USP34: variants seen among roughly 807,000 people sequenced by gnomAD.
The protein encoded by USP34 is ubiquitin carboxyl-terminal hydrolase 34.
USP34 carries 70 observed loss-of-function variants against 460.3 expected under a neutral mutation model. The observed-to-expected ratio is 0.15, with a 90% confidence interval of 0.13 to 0.19. USP34 has a LOEUF of 0.19. Among genes scored for constraint, USP34 ranks in the 10% least tolerant of loss-of-function variants. The pLI, the probability that USP34 is intolerant of heterozygous loss-of-function variation, is 1.00. For missense variants in USP34, 3,985 were observed against 4,236.2 expected (o/e 0.94, Z 1.65); for synonymous variants, 1,647 against 1,405.3 (o/e 1.17, Z -3.85).
At chr2:61,339,322 G>A (rs778456516) in intron 18 of USP34, 29 bp downstream of exon 18, 3 of 1,594,304 alleles carry the variant, frequency 1.9e-6, no homozygotes, top group South Asian at 2.3e-5. Context: ...TTTGACTACT[G>A]CATTAAAAAT....
chr2:61,365,715 G>A (rs187846454), intron 10 of USP34, among the ~76,000 whole-genome samples: 3 of 152,058 alleles, frequency 2.0e-5, no homozygotes, highest in East Asian at 1.9e-4. Context: ...TGGGAATTAC[G>A]GTTATAGTAT....
intron 10 of USP34, among the ~76,000 whole-genome samples, chr2:61,358,393 T>C (rs1451537270): frequency 1.3e-5 from 2 of 152,012 alleles, no homozygotes; most frequent in Non-Finnish European, 2.9e-5. Context: ...TTATGAGATA[T>C]TATAATTGTA....
At chr2:61,344,135 C>T (rs1691689135) in intron 15 of USP34, 106 bp from the exon 16 acceptor site, 2 of 980,602 alleles carry the variant, frequency 2.0e-6, no homozygotes, top group African/African-American at 3.3e-5. Context: ...TAGAAACAAA[C>T]CGACATCTGC....
Position 61,331,364 on chromosome 2 carries a change from C to G in USP34, c.2842G>C (p.Glu948Gln). ...AGCTTCATCATGTTCAGTTCTTTTTCTGCCCACCTGGCCCAAATAAAAGAA... is the reference window on the plus strand; with the variant it reads ...AGCTTCATCATGTTCAGTTCTTTTTGTGCCCACCTGGCCCAAATAAAAGAA... ...YDTHWITMWA[E>Q]KELNMMKLFF... is the part of the protein sequence containing the mutation. The change falls in exon 20 of 80, where the codon GAA (glutamate) becomes CAA (glutamine). Residue 948 changes from glutamate to glutamine, a missense_variant. By Grantham distance (29) the Glu-to-Gln change is conservative. Transcript: ENST00000398571. 6.2e-7 allele frequency: 1 copy of G among 1,610,302 alleles called. No individual in the cohort carries two copies. Among genetic ancestry groups the G allele is most frequent in the South Asian group, 1.1e-5 (1 of 90,542 alleles).
At chr2:61,435,930 A>C (rs1369101778) in intron 1 of USP34, among the ~76,000 whole-genome samples, 2 of 152,154 alleles carry the variant, frequency 1.3e-5, no homozygotes, top group African/African-American at 4.8e-5. Context: ...CAGGAGGCTT[A>C]GGCAGGAGAA....
intron 72 of USP34, among the ~76,000 whole-genome samples, chr2:61,205,124 T>C (rs1687080624): frequency 6.6e-6 from 1 of 152,194 alleles, no homozygotes; most frequent in East Asian, 1.9e-4. Flanking sequence ...CCTCCCGAAC[T>C]GCATGGATTA....
At chr2:61,269,463 AAG>A (rs1255695891) in intron 41 of USP34, among the ~76,000 whole-genome samples, 10 of 152,060 alleles carry the variant, frequency 6.6e-5, no homozygotes, top group African/African-American at 2.4e-4. Context: ...TATACATTTT[AAG>A]AGAGATGAAT....
intron 43 of USP34, 96 bp downstream of exon 43, chr2:61,265,301 T>C: frequency 7.3e-7 from 1 of 1,364,338 alleles, no homozygotes; most frequent in East Asian, 2.5e-5. Context: ...TCACAAATTA[T>C]TTTTTCAAAC....
intron 53 of USP34, among the ~76,000 whole-genome samples, chr2:61,241,168 C>G (rs1402249336): frequency 6.6e-6 from 1 of 152,028 alleles, no homozygotes; most frequent in Admixed American, 6.6e-5. Flanking sequence ...CTCAGCCTCC[C>G]AAGCAGCTGG....
At chr2:61,280,972 G>C in intron 38 of USP34, 118 bp downstream of exon 38, 1 of 1,111,608 alleles carries the variant, frequency 9.0e-7, no homozygotes, top group Non-Finnish European at 1.3e-6. Flanking sequence ...TATCCTCTTG[G>C]TAAAAAATCA....
intron 59 of USP34, among the ~76,000 whole-genome samples, 158 bp downstream of exon 59, chr2:61,229,390 G>C (rs13405297): frequency 6.2e-4 from 93 of 149,092 alleles, no homozygotes; most frequent in African/African-American, 2.0e-3. Flanking sequence ...GGGAGGCCGA[G>C]GCGGGCGGAT....
In USP34 at chr2:61,288,716, A is replaced by G. The variant is rs749137089; in HGVS notation, c.4710T>C (p.Gly1570=). 14 of 1,613,946 alleles carry G rather than the reference A, an allele frequency of 8.7e-6. No individual in the cohort carries two copies. In the Admixed American group the frequency reaches 1.3e-4, roughly 15 times the overall value. The change falls in exon 34 of 80, where the codon GGT becomes GGC. Residue 1570 remains glycine, a synonymous_variant. Coordinates refer to ENST00000398571, the MANE Select transcript of USP34 (RefSeq NM_014709.4). ...TWPGKSRKAA[G]DHAKGLHIPR... is the part of the protein sequence containing the mutation. ...GTATATGAAGACCCTTAGCATGATCACCAGCAGCCTTCCTTGATTTGCCAG... is the reference window on the plus strand; with the variant it reads ...GTATATGAAGACCCTTAGCATGATCGCCAGCAGCCTTCCTTGATTTGCCAG...
chr2:61,359,445 C>T (rs564413219), intron 10 of USP34, among the ~76,000 whole-genome samples: 1 of 152,170 alleles, frequency 6.6e-6, no homozygotes, highest in South Asian at 2.1e-4. Context: ...CAAATCAAAA[C>T]ACATCAAATA....
Position 61,350,660 on chromosome 2 carries a change from A to G in USP34, c.1285T>C (p.Phe429Leu), listed in dbSNP as rs766432615. The change falls in exon 11 of 80, where the codon TTT (phenylalanine) becomes CTT (leucine). Residue 429 changes from phenylalanine (F) to leucine (L), a missense_variant. Coordinates refer to ENST00000398571, the MANE Select transcript of USP34 (RefSeq NM_014709.4). ...KHCSRYIHDLFPSLIKNLDPV... is the reference protein window; with the variant it reads ...KHCSRYIHDLLPSLIKNLDPV... The stretch of plus-strand genomic sequence containing the variant: ...TCCAAATTCTTGATGAGTGAAGGAA[A>G]TAAGTCATGTATATACCGACTACAA... 110 of 1,613,646 alleles carry G rather than the reference A, an allele frequency of 6.8e-5. 1 individual carries two copies. The highest frequency in any genetic ancestry group is 5.7e-4 in the Admixed American group (34 of 59,946).
At position 61,343,945 on chromosome 2, in the gene USP34, A is replaced by G. The variant is rs1691682303; in HGVS notation, c.2370T>C (p.Ala790=). ...ATCCAGATTCTTCACCATCAAAATC[A>G]GCCATATTTTTTTCTGATTTTGCAC... ...QVSAKSEKNM[A]DFDGEESGCE... is the part of the protein sequence containing the mutation. Residue 790 remains alanine, a synonymous_variant, in exon 16 of 80, where the codon GCT becomes GCC. Coordinates refer to ENST00000398571, the MANE Select transcript of USP34 (RefSeq NM_014709.4). 3.1e-6 allele frequency: 5 copies of G among 1,613,868 alleles called. No homozygotes were observed. In the African/African-American group the frequency reaches 5.3e-5, roughly 17 times the overall value.
chr2:61,295,115 T>G, intron 31 of USP34, 53 bp downstream of exon 31: 2 of 1,596,942 alleles, frequency 1.3e-6, no homozygotes, highest in South Asian at 2.3e-5. Context: ...ATTATAGAAT[T>G]TTGCTCCAGA....
chr2:61,455,827 A>G (rs1191403665), intron 1 of USP34, among the ~76,000 whole-genome samples: 1 of 152,184 alleles, frequency 6.6e-6, no homozygotes, highest in East Asian at 1.9e-4. Flanking sequence ...ACTCCTCACA[A>G]AATCCCTATG....
intron 75 of USP34, among the ~76,000 whole-genome samples, chr2:61,199,774 C>T (rs1350444038): frequency 6.6e-6 from 1 of 152,032 alleles, no homozygotes; most frequent in Non-Finnish European, 1.5e-5. Flanking sequence ...TATTTCTGAA[C>T]CTATACTACA....
chr2:61,274,076 T>A (rs951925850), intron 41 of USP34, among the ~76,000 whole-genome samples: 1 of 151,286 alleles, frequency 6.6e-6, no homozygotes, highest in Non-Finnish European at 1.5e-5. Flanking sequence ...CCTGACTACA[T>A]GAAAAAAAAA....
Sources: allele counts gnomAD v4.1 joint callset (sites outside exome capture counted in the v4.1 genomes callset), GRCh38; gene constraint gnomAD v4.1.1; transcripts MANE v1.5; gene names NCBI Gene and HGNC (gene_info 2026-07-23, HGNC 2026-07-21).